MYRF: variants seen among roughly 807,000 people sequenced by gnomAD.
The protein encoded by MYRF is myelin gene regulatory factor.
A neutral mutation model predicts 126.3 loss-of-function variants in MYRF; 16 were observed. The observed-to-expected ratio is 0.13, with a 90% CI of 0.09 to 0.19. MYRF has a LOEUF of 0.19. Among genes scored for constraint, MYRF ranks in the 10% least tolerant of loss-of-function variants. The pLI, the probability that MYRF is intolerant of heterozygous loss-of-function variation, is 1.00. For synonymous variants in MYRF, 608 were observed against 635.3 expected (o/e 0.96, Z 0.65); for missense variants, 1,104 against 1,547.0 (o/e 0.71, Z 4.80).
intron 4 of MYRF, 134 bp downstream of exon 4, chr11:61,769,455 T>C (rs749776981): frequency 2.9e-5 from 20 of 683,190 alleles, no homozygotes; most frequent in Non-Finnish European, 4.4e-5. Context: ...GGTCAAATAC[T>C]CCCTGGCGCT....
chr11:61,753,115 T>A (rs556041252), intron 1 of MYRF, among the ~76,000 whole-genome samples: 3 of 151,958 alleles, frequency 2.0e-5, no homozygotes, highest in African/African-American at 7.2e-5. Context: ...CCCAGCAAAC[T>A]TCCCGAGTCT....
Position 61,770,282 on chromosome 11 carries a change from T to G in MYRF, c.497T>G (p.Leu166Arg). ...CTGCGCACGATAACCCCTGAGACAC[T>G]GTGCCACGTGGGAGTGCCCTCCCGC... ...HLLRTITPET[L>R]CHVGVPSRLE... is the part of the protein sequence containing the mutation. The change falls in exon 5 of 27, where the codon CTG becomes CGG. Residue 166 changes from leucine (L) to arginine (R), a missense_variant. Coordinates refer to ENST00000278836, the MANE Select transcript of MYRF (RefSeq NM_001127392.3). 1 of 1,608,294 alleles carries G rather than the reference T, an allele frequency of 6.2e-7. No individual in the cohort carries two copies. The highest frequency in any genetic ancestry group is 2.2e-5 in the East Asian group (1 of 44,728).
intron 3 of MYRF, chr11:61,766,707 C>A (rs1344600432): frequency 2.3e-5 from 6 of 264,986 alleles, no homozygotes; most frequent in African/African-American, 1.1e-4. Flanking sequence ...CCCTTCCCCC[C>A]ATCTTTCTGA....
intron 15 of MYRF, 23 bp downstream of exon 15, chr11:61,779,446 G>C (rs757242036): frequency 6.5e-7 from 1 of 1,549,236 alleles, no homozygotes; most frequent in African/African-American, 1.4e-5. Flanking sequence ...GGTGGGGGAA[G>C]GTGAGACCCT....
At chr11:61,770,805 T>A (rs1237009058) in intron 5 of MYRF, among the ~76,000 whole-genome samples, 1 of 152,168 alleles carries the variant, frequency 6.6e-6, no homozygotes, top group Non-Finnish European at 1.5e-5. Context: ...GTCCAGATCA[T>A]GAGCCAGGGG....
chr11:61,788,453 ATGTTCGTTTCTTC>A lies in MYRF; in HGVS notation c.*2313_*2325del, dbSNP rs2066743666. The A allele has an allele frequency of 6.6e-6, 1 of 152,242 alleles. No individual in the cohort carries two copies. The highest frequency in any genetic ancestry group is 1.9e-4 in the East Asian group (1 of 5,326). The allele number at this position is 152,242 out of a possible 1,614,324, so 9.4% of individuals were successfully genotyped here. On this transcript the variant is annotated 3_prime_UTR_variant, in exon 27 of 27. Coordinates refer to ENST00000278836, the MANE Select transcript of MYRF (RefSeq NM_001127392.3). ...GGCCTGCTTGCTTCCTGTCCCCGAAATGTTCGTTTCTTCTGAAGTAAATATACATATATAAATA... is the reference window on the plus strand; with the variant it reads ...GGCCTGCTTGCTTCCTGTCCCCGAAATGAAGTAAATATACATATATAAATA...
chr11:61,765,798 C>T lies in MYRF; in HGVS notation c.134+86C>T, dbSNP rs986723019. ...TCACCAGGGAGGTCTGAGGGCCGGA[C>T]CTGGGGTCTGCTGTGGTCCCACCTC... On this transcript the variant is annotated intron_variant, in intron 2 of 26. Coordinates refer to ENST00000278836, the MANE Select transcript of MYRF (RefSeq NM_001127392.3). 5 of 1,460,962 alleles carry T rather than the reference C, an allele frequency of 3.4e-6. No individual in the cohort carries two copies. The Admixed American group carries it at 9.8e-5, about 28-fold the overall frequency. The allele number at this position is 1,460,962 out of a possible 1,614,324, so 90.5% of individuals were successfully genotyped here. A position where few individuals can be genotyped will look rare whatever the true frequency, so the allele number is the denominator to read the frequency against.
At chr11:61,763,313 C>T (rs1044442128) in intron 1 of MYRF, among the ~76,000 whole-genome samples, 3 of 152,212 alleles carry the variant, frequency 2.0e-5, no homozygotes, top group Admixed American at 6.5e-5. Flanking sequence ...ATCTGAACAT[C>T]CCCACTGTTT....
At chr11:61,762,860 C>T (rs2065937320) in intron 1 of MYRF, among the ~76,000 whole-genome samples, 1 of 152,200 alleles carries the variant, frequency 6.6e-6, no homozygotes, top group Admixed American at 6.5e-5. Context: ...CCTCCTCCCG[C>T]CTCCTTCCTC....
Position 61,777,897 on chromosome 11 carries a change from C to G in MYRF, c.1903+52C>G. 1 of 1,401,400 alleles carries G rather than the reference C, an allele frequency of 7.1e-7. No homozygotes were observed. Among genetic ancestry groups the G allele is most frequent in the Non-Finnish European group, 9.9e-7 (1 of 1,014,378 alleles). The allele number at this position is 1,401,400 out of a possible 1,614,324, so 86.8% of individuals were successfully genotyped here. Reference sequence around the variant, plus strand: ...GGTCCGGAAACCCAGAAACCTCGGGCCTCAGTGACCTTGCCCCCTGTCACC... The same window carrying G: ...GGTCCGGAAACCCAGAAACCTCGGGGCTCAGTGACCTTGCCCCCTGTCACC... On this transcript the variant is annotated intron_variant, in intron 13 of 26. Coordinates refer to ENST00000278836, the MANE Select transcript of MYRF (RefSeq NM_001127392.3). This position sits in a 1 kb window ranked among gnomAD's most constrained non-coding sequence, Gnocchi z 8.8.
chr11:61,776,550 C>T lies in MYRF; in HGVS notation c.1499+118C>T. Reference sequence around the variant, plus strand: ...GCTGAGCCATTTCACAGATGAGAGACCTGAGATTTAGAGCCCTTCATTGAC... The same window carrying T: ...GCTGAGCCATTTCACAGATGAGAGATCTGAGATTTAGAGCCCTTCATTGAC... On this transcript the variant is annotated intron_variant, in intron 10 of 26. Transcript: ENST00000278836. The surrounding 1 kb of genome is among the most constrained non-coding windows in gnomAD (Gnocchi z 4.3). 1 of 866,620 alleles carries T rather than the reference C, an allele frequency of 1.2e-6. No individual in the cohort carries two copies. The highest frequency in any genetic ancestry group is 1.8e-6 in the Non-Finnish European group (1 of 554,530). The allele number at this position is 866,620 out of a possible 1,614,324, so 53.7% of individuals were successfully genotyped here.
intron 1 of MYRF, 72 bp downstream of exon 1, chr11:61,752,862 GGGCTCCTC>G: frequency 9.5e-6 from 13 of 1,374,744 alleles, no homozygotes; most frequent in Non-Finnish European, 1.3e-5. Flanking sequence ...CCGGGAACTG[GGGCTCCTC>G]GCTGTGTTTC....
Position 61,781,200 on chromosome 11 carries a change from A to T in MYRF, c.2635A>T (p.Ser879Cys). ...TGTCCGCACCTTGGACATGTGTTCC[A>T]GCCACCCCTGCCCTGTCATCTGCTG... is the stretch of plus-strand genomic sequence containing the variant. ...SAVRTLDMCS[S>C]HPCPVICCSS... The change falls in exon 21 of 27, where the codon AGC (serine) becomes TGC (cysteine). Residue 879 changes from serine (S) to cysteine (C), a missense_variant. Around this residue, in one of 10 missense-constraint regions of MYRF, gnomAD observed 323 missense variants for 383.1 expected, o/e 0.84. Coordinates refer to ENST00000278836, the MANE Select transcript of MYRF (RefSeq NM_001127392.3). 6.2e-7 allele frequency: 1 copy of T among 1,613,994 alleles called. No homozygotes were observed. Among genetic ancestry groups the T allele is most frequent in the East Asian group, 2.2e-5 (1 of 44,876 alleles).
Position 61,781,332 on chromosome 11 carries a change from A to G in MYRF, c.2764+3A>G, listed in dbSNP as rs370007301. The G allele has an allele frequency of 2.5e-5, 41 of 1,613,144 alleles. No homozygotes were observed. The Admixed American group carries it at 4.7e-4, about 18-fold the overall frequency. On this transcript the variant is annotated splice_donor_region_variant and intron_variant, in intron 21 of 26. Coordinates refer to ENST00000278836, the MANE Select transcript of MYRF (RefSeq NM_001127392.3). ...CAGCCCCAGCACCAACCGCTCAGGTAAGGCTTTCTGTGGGCTGGGGCTTGG... is the reference window on the plus strand; with the variant it reads ...CAGCCCCAGCACCAACCGCTCAGGTGAGGCTTTCTGTGGGCTGGGGCTTGG...
In MYRF at chr11:61,766,148, G is replaced by A. The variant is rs755940932; in HGVS notation, c.325G>A (p.Ala109Thr). Residue 109 changes from alanine to threonine, a missense_variant, in exon 3 of 27, where the codon GCT becomes ACT. Physicochemically the swap from Ala to Thr is moderately conservative, Grantham distance 58 (BLOSUM62 0). Coordinates refer to ENST00000278836, the MANE Select transcript of MYRF (RefSeq NM_001127392.3). ...LNCNNNNGMGAAPKPFPGGTG... is the reference protein window; with the variant it reads ...LNCNNNNGMGTAPKPFPGGTG... ...CTGCAACAACAACAACGGCATGGGC[G>A]CTGCCCCCAAGCCCTTCCCGGGGGG... The A allele has an allele frequency of 1.2e-5, 19 of 1,611,268 alleles. No homozygotes were observed. The highest frequency in any genetic ancestry group is 1.4e-5 in the Non-Finnish European group (17 of 1,179,522).
chr11:61,783,296 C>T lies in MYRF; in HGVS notation c.3017-202C>T, dbSNP rs1439589480. Reference sequence around the variant, plus strand: ...GTTCCAGTTCTTTTGAGGAGGCAGACGTCAGGCTCATGGGAACTGGGTAGT... The same window carrying T: ...GTTCCAGTTCTTTTGAGGAGGCAGATGTCAGGCTCATGGGAACTGGGTAGT... On this transcript the variant is annotated intron_variant, in intron 22 of 26. Coordinates refer to ENST00000278836, the MANE Select transcript of MYRF (RefSeq NM_001127392.3). The surrounding 1 kb of genome is among the most constrained non-coding windows in gnomAD (Gnocchi z 4.6). 6 of 481,424 alleles carry T rather than the reference C, an allele frequency of 1.2e-5. No homozygotes were observed. The highest frequency in any genetic ancestry group is 6.1e-5 in the South Asian group (2 of 32,902). 29.8% of individuals were successfully genotyped at this position (481,424 alleles called of 1,614,324 possible).
chr11:61,755,716 T>TA (rs1218569717), intron 1 of MYRF: 2 of 672,378 alleles, frequency 3.0e-6, no homozygotes, highest in African/African-American at 1.8e-5. Flanking sequence ...AGAGACATGT[T>TA]AGAGTATGAA....
intron 1 of MYRF, among the ~76,000 whole-genome samples, chr11:61,761,275 T>A (rs1327212314): frequency 1.7e-4 from 19 of 114,868 alleles, no homozygotes; most frequent in South Asian, 9.8e-4. Context: ...GGGGGGCACA[T>A]AAGCACAAGG....
At chr11:61,772,617 G>A (rs1189812786) in intron 7 of MYRF, among the ~76,000 whole-genome samples, 2 of 152,236 alleles carry the variant, frequency 1.3e-5, no homozygotes, top group African/African-American at 2.4e-5. Context: ...GTCCCATGAA[G>A]TCCTGCCAGG....
Sources: gnomAD v4.1 joint callset for allele counts (sites outside exome capture counted in the v4.1 genomes callset) on GRCh38, gnomAD v4.1.1 for gene constraint, gnomAD v4.1.1 regional missense constraint, Gnocchi (gnomAD v3.1) non-coding constraint, MANE v1.5 for transcripts, NCBI Gene and HGNC (gene_info 2026-07-23, HGNC 2026-07-21) for gene names.